The following JAKMIP3 variants were observed in gnomAD, a reference collection of about 807,000 sequenced individuals.
The protein encoded by JAKMIP3 is Janus kinase and microtubule interacting protein 3, also known as janus kinase and microtubule-interacting protein 3.
A neutral mutation model predicts 118.5 loss-of-function variants in JAKMIP3; 58 were observed. The observed-to-expected ratio is 0.49, with a 90% CI of 0.40 to 0.61. JAKMIP3 has a LOEUF of 0.61. Among genes scored for constraint, JAKMIP3 ranks in the 20% least tolerant of loss-of-function variants. The pLI is 0.00. For synonymous variants in JAKMIP3, 486 were observed against 451.2 expected (o/e 1.08, Z -0.98); for missense variants, 950 against 1,109.0 (o/e 0.86, Z 2.04).
intron 19 of JAKMIP3, among the ~76,000 whole-genome samples, chr10:132,156,279 C>T (rs1489303221): frequency 6.6e-6 from 1 of 152,190 alleles, no homozygotes; most frequent in East Asian, 1.9e-4. Flanking sequence ...ACCCCCTTAT[C>T]CTCCTCCATC....
Position 132,163,295 on chromosome 10 carries a change from G to A in JAKMIP3, c.2307G>A (p.Glu769=), listed in dbSNP as rs1381006300. 2.5e-6 allele frequency: 4 copies of A among 1,603,504 alleles called. No individual in the cohort carries two copies. In the South Asian group the frequency reaches 3.4e-5, roughly 14 times the overall value. The change falls in exon 20 of 24, where the codon GAG becomes GAA. Residue 769 remains glutamate (E), a synonymous_variant. Transcript: ENST00000684848. ...TGGCTGAGCTGCTGTCAGAGGAGGAGCGCGAGAAGCTCAAGGTGGCCGTGG... is the reference window on the plus strand; with the variant it reads ...TGGCTGAGCTGCTGTCAGAGGAGGAACGCGAGAAGCTCAAGGTGGCCGTGG... ...AKVAELLSEE[E]REKLKVAVEQ...
intron 1 of JAKMIP3, among the ~76,000 whole-genome samples, chr10:132,050,336 C>T (rs2038062204): frequency 6.6e-6 from 1 of 152,236 alleles, no homozygotes; most frequent in South Asian, 2.1e-4. Context: ...AGGCACCTCT[C>T]TGGCTCACCC....
chr10:132,149,545 C>T (rs780477605), intron 15 of JAKMIP3, 35 bp downstream of exon 15: 1 of 1,016,442 alleles, frequency 9.8e-7, no homozygotes. Context: ...TCCGCCCCCA[C>T]CTCACCCATC....
chr10:132,052,402 C>G (rs1347591931), intron 1 of JAKMIP3, among the ~76,000 whole-genome samples: 1 of 152,124 alleles, frequency 6.6e-6, no homozygotes, highest in Non-Finnish European at 1.5e-5. Flanking sequence ...TTATGTAGAT[C>G]TAGATTTTGA....
At chr10:132,145,000 C>A in intron 11 of JAKMIP3, 107 bp from the exon 12 acceptor site, 1 of 838,450 alleles carries the variant, frequency 1.2e-6, no homozygotes, top group Non-Finnish European at 1.9e-6. Flanking sequence ...AGTCACTTCT[C>A]AATGAACTGA....
At position 132,168,105 on chromosome 10, in the gene JAKMIP3, G is replaced by T. The variant is rs1434953630; in HGVS notation, c.*175G>T. 7 of 1,289,046 alleles carry T rather than the reference G, an allele frequency of 5.4e-6. No individual in the cohort carries two copies. Among genetic ancestry groups the T allele is most frequent in the Non-Finnish European group, 7.1e-6 (7 of 988,462 alleles). 79.9% of individuals were successfully genotyped at this position (1,289,046 alleles called of 1,614,324 possible). A position where few individuals can be genotyped will look rare whatever the true frequency, so the allele number is the denominator to read the frequency against. Reference sequence around the variant, plus strand: ...TGAGAAGGGGCAGTGTGTGGGGCGTGGAGCTGCCGTCCACGTGGGATGTGC... The same window carrying T: ...TGAGAAGGGGCAGTGTGTGGGGCGTTGAGCTGCCGTCCACGTGGGATGTGC... On this transcript the variant is annotated 3_prime_UTR_variant, in exon 23 of 24. Transcript: ENST00000684848.
At chr10:132,143,016 G>A (rs1454352595) in intron 11 of JAKMIP3, among the ~76,000 whole-genome samples, 1 of 152,148 alleles carries the variant, frequency 6.6e-6, no homozygotes, top group African/African-American at 2.4e-5. Flanking sequence ...CTCATCCTCT[G>A]TCCACCCAGA....
chr10:132,097,703 AT>A (rs1360481380), intron 1 of JAKMIP3, among the ~76,000 whole-genome samples: 1 of 151,352 alleles, frequency 6.6e-6, no homozygotes, highest in Non-Finnish European at 1.5e-5. Context: ...GCATCTGTAT[AT>A]TCTGTCTTAC....
chr10:132,116,242 C>CTTT (rs2047626803), intron 2 of JAKMIP3, among the ~76,000 whole-genome samples: 1 of 152,248 alleles, frequency 6.6e-6, no homozygotes, highest in South Asian at 2.1e-4. Context: ...CGGTGGGTGA[C>CTTT]CTCAGGTTTG....
chr10:132,080,086 A>C (rs1410666153), intron 1 of JAKMIP3, among the ~76,000 whole-genome samples: 1 of 152,228 alleles, frequency 6.6e-6, no homozygotes, highest in Non-Finnish European at 1.5e-5. Flanking sequence ...AGGCTGACGC[A>C]GGATAATTGC....
At chr10:132,142,444 A>G (rs937706733) in intron 11 of JAKMIP3, among the ~76,000 whole-genome samples, 13 of 152,008 alleles carry the variant, frequency 8.6e-5, no homozygotes, top group African/African-American at 2.7e-4. Context: ...GAGGTCATTC[A>G]TCCTCAAAGG....
intron 6 of JAKMIP3, among the ~76,000 whole-genome samples, chr10:132,136,386 C>T (rs1252392069): frequency 1.3e-5 from 2 of 152,134 alleles, no homozygotes; most frequent in South Asian, 2.1e-4. Flanking sequence ...AAATCCCGGG[C>T]GAGGGTAGTA....
chr10:132,053,068 G>A (rs572407136), intron 1 of JAKMIP3, among the ~76,000 whole-genome samples: 2 of 152,160 alleles, frequency 1.3e-5, no homozygotes, highest in Non-Finnish European at 2.9e-5. Flanking sequence ...TGTTTGTGGG[G>A]TTTCTCTGAG....
At chr10:132,064,947 C>T (rs565290946), upstream of JAKMIP3, among the ~76,000 whole-genome samples, 1 of 152,252 alleles carries the variant, frequency 6.6e-6, no homozygotes, top group Admixed American at 6.5e-5. The surrounding 1 kb of genome is among the most constrained non-coding windows in gnomAD (Gnocchi z 4.4). Context: ...GGGGGGCAGG[C>T]AGGGTGCAGG....
rs1429570357 is a variant in JAKMIP3 at position 132,138,244 on chromosome 10, C to T, written c.1344+66C>T. 10 of 1,403,216 alleles carry T rather than the reference C, an allele frequency of 7.1e-6. No homozygotes were observed. In the East Asian group the frequency reaches 2.0e-4, roughly 28 times the overall value. 86.9% of individuals were successfully genotyped at this position (1,403,216 alleles called of 1,614,324 possible). On this transcript the variant is annotated intron_variant, in intron 9 of 23. Transcript: ENST00000684848. ...GTGTGTGCGGAGAGGACCACGCCCG[C>T]GTGTGTGGAGAGCGCTGGTGTGTGC...
rs149059839 is a variant in JAKMIP3 at position 132,043,113 on chromosome 10, C to T, written c.-138+6375C>T. Among the ~76,000 whole-genome samples, 409 of 152,204 alleles carry T rather than the reference C, an allele frequency of 2.7e-3. 2 individuals are homozygous for T. Among genetic ancestry groups the T allele is most frequent in the African/African-American group, 8.4e-3 (347 of 41,516 alleles). ...TCTCTCAAAAACACAAAAGGCTTTT[C>T]CTGGTTGGGAAGCTTTGTAATAGTT... On this transcript the variant is annotated intron_variant, in intron 1 of 23. Transcript: ENST00000657785.
At chr10:132,158,086 G>GCCCCA (rs1183926277) in intron 19 of JAKMIP3, among the ~76,000 whole-genome samples, 13,291 of 52,890 alleles carry the variant, frequency 0.25, 880 homozygotes, top group Middle Eastern at 0.38. Context: ...CCCCCGCCCC[G>GCCCCA]CCCCGCCCCG....
At chr10:132,063,245 C>A (rs2038466939), upstream of JAKMIP3, among the ~76,000 whole-genome samples, 1 of 152,152 alleles carries the variant, frequency 6.6e-6, no homozygotes, top group Non-Finnish European at 1.5e-5. Flanking sequence ...GACATAGAGA[C>A]CCACTGGAGG....
intron 19 of JAKMIP3, among the ~76,000 whole-genome samples, chr10:132,161,469 G>T (rs1371466354): frequency 1.1e-5 from 1 of 88,264 alleles, no homozygotes; most frequent in East Asian, 4.6e-4. Context: ...GATGCAGGCG[G>T]TGGCCTCTTC....
Sources: gnomAD v4.1 joint callset for allele counts (sites outside exome capture counted in the v4.1 genomes callset) on GRCh38, gnomAD v4.1.1 for gene constraint, Gnocchi (gnomAD v3.1) non-coding constraint, MANE v1.5 for transcripts, NCBI Gene and HGNC (gene_info 2026-07-23, HGNC 2026-07-21) for gene names.